Variants in RNF13 observed in about 807,000 individuals in gnomAD.
The protein encoded by RNF13 is E3 ubiquitin-protein ligase RNF13.
Under a neutral mutation model 37.7 loss-of-function variants are expected in RNF13, and 19 were observed. The ratio of observed to expected loss-of-function variants is 0.50; its 90% confidence interval spans 0.35 to 0.74. The LOEUF (loss-of-function observed/expected upper bound fraction) is 0.74. Among genes scored for constraint, RNF13 ranks in the 30% least tolerant of loss-of-function variants. RNF13 has a pLI of 0.01. For synonymous variants in RNF13, 144 were observed against 157.8 expected, an observed-to-expected ratio of 0.91 and a Z score of 0.65; for missense variants, 375 against 453.0, an observed-to-expected ratio of 0.83 and a Z score of 1.56.
chr3:149,853,455 GGAGAGAGAGAGAGAGAGAGAGA>G lies in RNF13; in HGVS notation c.195+884_195+905del, dbSNP rs397842025. On this transcript the variant is annotated intron_variant, in intron 3 of 9. Transcript: ENST00000392894. ...TGCTGTGTGTGTGAGAGAGAGAGAGGGAGAGAGAGAGAGAGAGAGAGAGAGAGAGAGAGAGAGAGAGAGAGAA... is the reference window on the plus strand; with the variant it reads ...TGCTGTGTGTGTGAGAGAGAGAGAGGGAGAGAGAGAGAGAGAGAGAGAGAA... 2.0e-4 allele frequency among the ~76,000 whole-genome samples: 23 copies of G among 117,300 alleles called. No individual in the cohort carries two copies. The South Asian group carries it at 2.0e-3, about 10-fold the overall frequency. 77.0% of individuals were successfully genotyped at this position (117,300 alleles called of 152,430 possible).
chr3:149,847,187 G>C (rs976402877), intron 2 of RNF13, among the ~76,000 whole-genome samples: 1 of 152,150 alleles, frequency 6.6e-6, no homozygotes, highest in Non-Finnish European at 1.5e-5. Context: ...AAACATTTTT[G>C]ACTTAGATAT....
intron 4 of RNF13, among the ~76,000 whole-genome samples, chr3:149,884,784 A>T (rs976258983): frequency 6.6e-6 from 1 of 152,032 alleles, no homozygotes; most frequent in African/African-American, 2.4e-5. Context: ...TTCCTTTAGA[A>T]TGTACAATTA....
intron 8 of RNF13, among the ~76,000 whole-genome samples, chr3:149,954,378 T>TC (rs1194933545): frequency 6.6e-6 from 1 of 152,100 alleles, no homozygotes; most frequent in Non-Finnish European, 1.5e-5. Context: ...GTTAGGGGAC[T>TC]CTATAACATT....
chr3:149,873,402 C>G (rs1035913408), intron 4 of RNF13, among the ~76,000 whole-genome samples: 2 of 152,122 alleles, frequency 1.3e-5, no homozygotes, highest in Admixed American at 6.5e-5. Context: ...AACCACAGCT[C>G]AGGAATGAAT....
intron 4 of RNF13, among the ~76,000 whole-genome samples, chr3:149,882,360 G>T (rs933854925): frequency 3.9e-5 from 6 of 152,106 alleles, no homozygotes; most frequent in Non-Finnish European, 5.9e-5. Context: ...TATATTGCTG[G>T]ATAGGGCTGG....
intron 8 of RNF13, among the ~76,000 whole-genome samples, chr3:149,938,045 A>T (rs2108572133): frequency 6.6e-6 from 1 of 152,150 alleles, no homozygotes; most frequent in Non-Finnish European, 1.5e-5. Context: ...TCCAACTATA[A>T]TAGCAGATTC....
At chr3:149,916,688 C>A (rs900449234) in intron 7 of RNF13, among the ~76,000 whole-genome samples, 1 of 151,724 alleles carries the variant, frequency 6.6e-6, no homozygotes, top group African/African-American at 2.4e-5. Context: ...AGTTAGAAAA[C>A]CAAAAAACAA....
intron 2 of RNF13, among the ~76,000 whole-genome samples, chr3:149,847,882 G>T (rs1021235474): frequency 7.2e-5 from 11 of 151,922 alleles, no homozygotes; most frequent in African/African-American, 2.7e-4. Flanking sequence ...TTATACCCAA[G>T]GTGGATTGCT....
intron 1 of RNF13, among the ~76,000 whole-genome samples, chr3:149,838,233 G>T (rs1424686767): frequency 6.6e-6 from 1 of 152,198 alleles, no homozygotes; most frequent in South Asian, 2.1e-4. Flanking sequence ...AGTGTCTACG[G>T]CTTTTCCAGG....
chr3:149,823,756 T>G (rs1720222106), intron 1 of RNF13, among the ~76,000 whole-genome samples: 2 of 152,178 alleles, frequency 1.3e-5, no homozygotes, highest in African/African-American at 2.4e-5. Context: ...ATACAAATCA[T>G]AATACAATAT....
At chr3:149,929,058 T>C (rs1718926397) in intron 8 of RNF13, among the ~76,000 whole-genome samples, 1 of 152,238 alleles carries the variant, frequency 6.6e-6, no homozygotes, top group Non-Finnish European at 1.5e-5. Context: ...TATATAGCTC[T>C]GGTAGCTTTC....
At chr3:149,827,882 G>A (rs1576721015) in intron 1 of RNF13, among the ~76,000 whole-genome samples, 1 of 152,126 alleles carries the variant, frequency 6.6e-6, no homozygotes, top group East Asian at 1.9e-4. Flanking sequence ...GGCCAAGGTG[G>A]GAGGATCGCT....
At chr3:149,923,362 CTA>C (rs988943017) in intron 8 of RNF13, among the ~76,000 whole-genome samples, 1 of 152,190 alleles carries the variant, frequency 6.6e-6, no homozygotes, top group Admixed American at 6.5e-5. Flanking sequence ...GTAGCTAAGA[CTA>C]TAGGCATGTG....
intron 7 of RNF13, among the ~76,000 whole-genome samples, chr3:149,914,890 A>G (rs772175302): frequency 1.3e-5 from 2 of 151,924 alleles, no homozygotes; most frequent in Non-Finnish European, 2.9e-5. Flanking sequence ...GTGAGCCAAG[A>G]TCACACCATT....
intron 4 of RNF13, among the ~76,000 whole-genome samples, chr3:149,877,749 A>G (rs1712910654): frequency 6.6e-6 from 1 of 152,094 alleles, no homozygotes; most frequent in African/African-American, 2.4e-5. Flanking sequence ...GATGTATAAC[A>G]TTTGTTATTA....
At chr3:149,866,903 G>A (rs1398783702) in intron 3 of RNF13, among the ~76,000 whole-genome samples, 1 of 152,168 alleles carries the variant, frequency 6.6e-6, no homozygotes, top group African/African-American at 2.4e-5. Flanking sequence ...TGGTATGATT[G>A]CTACTTTTTG....
intron 1 of RNF13, among the ~76,000 whole-genome samples, chr3:149,820,772 T>C (rs1719929361): frequency 6.6e-6 from 1 of 152,254 alleles, no homozygotes; most frequent in African/African-American, 2.4e-5. Flanking sequence ...TTTATCACTT[T>C]GAAGTAAAAT....
chr3:149,900,476 A>G (rs555305123), intron 5 of RNF13, among the ~76,000 whole-genome samples: 11 of 152,238 alleles, frequency 7.2e-5, no homozygotes, highest in Admixed American at 2.6e-4. Context: ...TGGGAGGCTG[A>G]GACAGGAGGG....
At chr3:149,861,217 A>G (rs1205827140) in intron 3 of RNF13, among the ~76,000 whole-genome samples, 1 of 151,598 alleles carries the variant, frequency 6.6e-6, no homozygotes, top group Admixed American at 6.6e-5. Flanking sequence ...AAAAAAAAAA[A>G]CTTAAAAGGG....
Sources: gnomAD v4.1 joint callset for allele counts (sites outside exome capture counted in the v4.1 genomes callset) on GRCh38, gnomAD v4.1.1 for gene constraint, MANE v1.5 for transcripts, NCBI Gene and HGNC (gene_info 2026-07-23, HGNC 2026-07-21) for gene names.